Variants in PLCD1 observed in about 807,000 individuals in gnomAD.
PLCD1 encodes the protein phospholipase C delta 1.
PLCD1 carries 71 observed loss-of-function variants against 87.4 expected under a neutral mutation model. The ratio of observed to expected loss-of-function variants is 0.81; its 90% confidence interval spans 0.67 to 0.99. PLCD1 has a LOEUF of 0.99. PLCD1 is among the 50% of genes least tolerant of loss of function. PLCD1 has a pLI of 0.00. For synonymous variants in PLCD1, 348 were observed against 399.2 expected, an observed-to-expected ratio of 0.87 and a Z score of 1.53; for missense variants, 867 against 1,001.5, an observed-to-expected ratio of 0.87 and a Z score of 1.81.
intron 1 of PLCD1, chr3:38,024,646 C>G (rs750451185): frequency 6.6e-7 from 1 of 1,519,266 alleles, no homozygotes; most frequent in South Asian, 1.2e-5. Flanking sequence ...GAAATCTGGG[C>G]TGAGGGGGTA....
chr3:38,013,201 T>C (rs1700108009), intron 3 of PLCD1, among the ~76,000 whole-genome samples: 1 of 150,338 alleles, frequency 6.7e-6, no homozygotes, highest in Admixed American at 6.6e-5. Flanking sequence ...TTCTGGATTT[T>C]AATTTTCTTT....
rs1700294257 is a variant in PLCD1 at position 38,025,114 on chromosome 3, T to C, written c.34+4392A>G. The stretch of plus-strand genomic sequence containing the variant: ...CAGAGGCGACGTGGAGGCAGAGCCA[T>C]ACCCAGGAAGCAGCCCGGGGGCGGG... On this transcript the variant is annotated intron_variant, in intron 1 of 14. Coordinates refer to ENST00000334661, the MANE Select transcript of PLCD1 (RefSeq NM_006225.4). This position sits in a 1 kb window ranked among gnomAD's most constrained non-coding sequence, Gnocchi z 4.0. Among the ~76,000 whole-genome samples, 1 of 149,844 alleles carries C rather than the reference T, an allele frequency of 6.7e-6. No individual in the cohort carries two copies. Among genetic ancestry groups the C allele is most frequent in the Admixed American group, 6.6e-5 (1 of 15,154 alleles).
chr3:38,014,242 C>T (rs919669536), intron 3 of PLCD1, among the ~76,000 whole-genome samples: 1 of 151,292 alleles, frequency 6.6e-6, no homozygotes, highest in Admixed American at 6.6e-5. Context: ...TATAGAAATT[C>T]AAGGGACCCA....
At chr3:38,012,168 C>G (rs1700090588) in intron 3 of PLCD1, among the ~76,000 whole-genome samples, 1 of 149,552 alleles carries the variant, frequency 6.7e-6, no homozygotes, top group Admixed American at 6.6e-5. Flanking sequence ...ACCACCACGC[C>G]TGGCTTTTTT....
chr3:38,028,844 A>C (rs1575360279), intron 1 of PLCD1, among the ~76,000 whole-genome samples: 2 of 152,264 alleles, frequency 1.3e-5, no homozygotes, highest in African/African-American at 2.4e-5. Flanking sequence ...TGGAGGAAAC[A>C]AAGCTCCGCT....
intron 2 of PLCD1, 92 bp from the exon 3 acceptor site, chr3:38,016,811 C>A (rs1357865087): frequency 8.7e-6 from 8 of 920,032 alleles, no homozygotes; most frequent in Non-Finnish European, 1.4e-5. Flanking sequence ...TAGAGAGGGG[C>A]ATGGCTTGGA....
At chr3:38,012,897 AATTT>A (rs1223056287) in intron 3 of PLCD1, among the ~76,000 whole-genome samples, 1 of 151,472 alleles carries the variant, frequency 6.6e-6, no homozygotes, top group African/African-American at 2.4e-5. Flanking sequence ...TTTTTTCTGC[AATTT>A]ATTTATTTAT....
intron 1 of PLCD1, among the ~76,000 whole-genome samples, chr3:38,020,781 G>A (rs1700222097): frequency 6.6e-6 from 1 of 152,164 alleles, no homozygotes; most frequent in South Asian, 2.1e-4. Flanking sequence ...GAAGGAAGCT[G>A]GGATCAAAAG....
chr3:38,012,863 A>G (rs1350293055), intron 3 of PLCD1, among the ~76,000 whole-genome samples: 1 of 151,488 alleles, frequency 6.6e-6, no homozygotes, highest in Non-Finnish European at 1.5e-5. Context: ...GAAGCTTCTG[A>G]TATTTGCATT....
Position 38,029,581 on chromosome 3 carries a change from C to T in PLCD1, c.-42G>A, listed in dbSNP as rs1700342965. On this transcript the variant is annotated 5_prime_UTR_variant, in exon 1 of 15. It adds an upstream start codon to the 5' untranslated region. Coordinates refer to ENST00000334661, the MANE Select transcript of PLCD1 (RefSeq NM_006225.4). The stretch of plus-strand genomic sequence containing the variant: ...GGCGGGAGGGGCACCGCGGGACTCA[C>T]TTGAGTAGCGACAGCACCGGCGGCC... The T allele has an allele frequency of 6.5e-7, 1 of 1,531,298 alleles. No homozygotes were observed. The highest frequency in any genetic ancestry group is 1.4e-5 in the African/African-American group (1 of 72,958). 94.9% of individuals were successfully genotyped at this position (1,531,298 alleles called of 1,614,324 possible). A position where few individuals can be genotyped will look rare whatever the true frequency, so the allele number is the denominator to read the frequency against.
intron 3 of PLCD1, among the ~76,000 whole-genome samples, chr3:38,012,027 T>C (rs945138318): frequency 2.7e-4 from 38 of 141,638 alleles, no homozygotes; most frequent in African/African-American, 1.1e-3. Context: ...CTGGTTTTCC[T>C]TTTCTTTTTT....
At chr3:38,013,468 C>G (rs1422616117) in intron 3 of PLCD1, among the ~76,000 whole-genome samples, 2 of 152,202 alleles carry the variant, frequency 1.3e-5, no homozygotes, top group East Asian at 3.9e-4. Context: ...CTGCCTCGGC[C>G]TCCCAAAGTG....
At chr3:38,019,518 TAGGGAATTCTCTCCCTTAA>T (rs541825749) in intron 2 of PLCD1, among the ~76,000 whole-genome samples, 1 of 152,284 alleles carries the variant, frequency 6.6e-6, no homozygotes, top group African/African-American at 2.4e-5. Flanking sequence ...ACAGGATCTT[TAGGGAATTCTCTCCCTTAA>T]AGGGAGAGAA....
intron 1 of PLCD1, among the ~76,000 whole-genome samples, chr3:38,020,853 G>A (rs1272374409): frequency 6.6e-6 from 1 of 152,218 alleles, no homozygotes; most frequent in Non-Finnish European, 1.5e-5. Context: ...GCGTCATGGA[G>A]CCAAACAACG....
intron 3 of PLCD1, among the ~76,000 whole-genome samples, chr3:38,016,260 C>T (rs1042181522): frequency 1.3e-5 from 2 of 152,222 alleles, no homozygotes; most frequent in African/African-American, 4.8e-5. Context: ...AGACAGTCAT[C>T]TGCCAGCAAA....
chr3:38,024,291 G>A, intron 1 of PLCD1: 1 of 1,551,774 alleles, frequency 6.4e-7, no homozygotes, highest in Admixed American at 1.7e-5. Flanking sequence ...TGCTCCAGCT[G>A]CCTTCCCATT....
Position 38,020,460 on chromosome 3 carries a change from C to A in PLCD1, c.35-108G>T. On this transcript the variant is annotated intron_variant, in intron 1 of 14. Transcript: ENST00000334661. The stretch of plus-strand genomic sequence containing the variant: ...GACCCTCTCAGAGCCCACTTTTCAC[C>A]AGCCTCATCCTCAGCTCTGTTTACT... 4 of 1,012,548 alleles carry A rather than the reference C, an allele frequency of 4.0e-6. No homozygotes were observed. The South Asian group carries it at 5.2e-5, about 13-fold the overall frequency. 62.7% of individuals were successfully genotyped at this position (1,012,548 alleles called of 1,614,324 possible). A position where few individuals can be genotyped will look rare whatever the true frequency, so the allele number is the denominator to read the frequency against.
In PLCD1 at chr3:38,007,761, G is replaced by A. The variant is rs1474742793; in HGVS notation, c.*12C>T. The A allele has an allele frequency of 3.1e-6, 5 of 1,606,190 alleles. No individual in the cohort carries two copies. The highest frequency in any genetic ancestry group is 2.6e-6 in the Non-Finnish European group (3 of 1,172,956). ...AGCCCACTCAGGGGGGACCCCACTG[G>A]CTTCCTCCAGCCTAGTCCTGGAGGG... On this transcript the variant is annotated 3_prime_UTR_variant, in exon 15 of 15. Transcript: ENST00000334661.
rs537593683 is a variant in PLCD1, at chr3:38,007,542, C to T, written c.*231G>A. The T allele has an allele frequency of 1.0e-4, 68 of 678,910 alleles. No individual in the cohort carries two copies. The highest frequency in any genetic ancestry group is 4.8e-4 in the South Asian group (32 of 66,280). The allele number at this position is 678,910 out of a possible 1,614,324, so 42.1% of individuals were successfully genotyped here. A position where few individuals can be genotyped will look rare whatever the true frequency, so the allele number is the denominator to read the frequency against. On this transcript the variant is annotated 3_prime_UTR_variant, in exon 15 of 15. Transcript: ENST00000334661. ...TAAAAATCCTTGACCACTCGCTGGC[C>T]GGAGGGTGGAGAGGGCTGCAGTGTT...
Sources: allele counts gnomAD v4.1 joint callset (sites outside exome capture counted in the v4.1 genomes callset), GRCh38; gene constraint gnomAD v4.1.1; non-coding constraint Gnocchi (gnomAD v3.1); transcripts MANE v1.5; gene names NCBI Gene and HGNC (gene_info 2026-07-23, HGNC 2026-07-21).